The following TMEM116 variants were observed in gnomAD, a reference collection of about 807,000 sequenced individuals.
TMEM116 encodes the protein transmembrane protein 116.
Under a neutral mutation model 44.3 loss-of-function variants are expected in TMEM116, and 38 were observed. That is an observed-to-expected ratio of 0.86 (90% CI 0.66 to 1.12). TMEM116 has a LOEUF of 1.12. TMEM116 is among the 50% of genes most tolerant of loss of function. TMEM116 has a pLI of 0.00. For synonymous variants in TMEM116, 132 were observed against 144.8 expected, an observed-to-expected ratio of 0.91 and a Z score of 0.64; for missense variants, 354 against 401.7, an observed-to-expected ratio of 0.88 and a Z score of 1.01.
intron 1 of TMEM116, among the ~76,000 whole-genome samples, chr12:112,008,441 C>T (rs1369838207): frequency 6.6e-6 from 1 of 151,244 alleles, no homozygotes; most frequent in Admixed American, 6.6e-5. Flanking sequence ...GATCATGCCA[C>T]TGCACTCCAG....
intron 3 of TMEM116, among the ~76,000 whole-genome samples, chr12:112,003,380 A>G (rs1261749314): frequency 1.3e-5 from 2 of 152,186 alleles, no homozygotes; most frequent in Admixed American, 1.3e-4. Flanking sequence ...CATCCTGGCT[A>G]ACACGGTGAA....
chr12:111,992,453 T>A (rs1416978296), intron 3 of TMEM116, among the ~76,000 whole-genome samples: 2 of 152,060 alleles, frequency 1.3e-5, no homozygotes, highest in Admixed American at 6.6e-5. Context: ...GTATTTTTAG[T>A]AGAGATGGGG....
At chr12:111,933,489 CTTTT>C in intron 9 of TMEM116, among the ~76,000 whole-genome samples, 1 of 134,802 alleles carries the variant, frequency 7.4e-6, no homozygotes, top group Non-Finnish European at 1.6e-5. Flanking sequence ...AGCCATCCTT[CTTTT>C]TTTTTTTTTT....
chr12:111,950,141 C>CA (rs1354422784), intron 4 of TMEM116, among the ~76,000 whole-genome samples: 33 of 151,312 alleles, frequency 2.2e-4, no homozygotes, highest in Admixed American at 9.9e-4. Context: ...CAAAACAAAA[C>CA]AAAAAAAACA....
intron 3 of TMEM116, chr12:112,000,670 C>T: frequency 2.1e-6 from 1 of 482,442 alleles, no homozygotes; most frequent in Non-Finnish European, 4.2e-6. Context: ...AGCCTTTATT[C>T]CAATAATGAC....
At chr12:111,963,156 AAAC>A (rs561469575) in intron 4 of TMEM116, among the ~76,000 whole-genome samples, 1 of 152,220 alleles carries the variant, frequency 6.6e-6, no homozygotes, top group Non-Finnish European at 1.5e-5. Flanking sequence ...AAAAGTCAGG[AAAC>A]AACAGATACT....
intron 4 of TMEM116, among the ~76,000 whole-genome samples, chr12:111,957,138 G>T (rs2074175664): frequency 6.6e-6 from 1 of 151,186 alleles, no homozygotes; most frequent in African/African-American, 2.4e-5. Flanking sequence ...AGTCTGGGAA[G>T]TGAGGAGTGC....
chr12:111,936,624 C>T (rs2136233076), intron 8 of TMEM116, 68 bp downstream of exon 8: 1 of 1,555,030 alleles, frequency 6.4e-7, no homozygotes, highest in East Asian at 2.3e-5. Flanking sequence ...TTCCCAGGTC[C>T]TGGGAATACT....
intron 3 of TMEM116, among the ~76,000 whole-genome samples, chr12:111,997,325 G>A (rs904150273): frequency 2.1e-4 from 32 of 152,180 alleles, no homozygotes; most frequent in African/African-American, 6.5e-4. Context: ...AGGCTGAGGC[G>A]GGAAGACTGA....
chr12:111,951,218 G>A (rs1262807483), intron 4 of TMEM116, among the ~76,000 whole-genome samples: 1 of 152,250 alleles, frequency 6.6e-6, no homozygotes, highest in Non-Finnish European at 1.5e-5. Context: ...ACTGTTGGTA[G>A]GAGTGTAAAT....
intron 5 of TMEM116, 127 bp from the exon 6 acceptor site, chr12:111,938,337 C>G: frequency 1.7e-6 from 1 of 578,492 alleles, no homozygotes; most frequent in Non-Finnish European, 2.9e-6. Context: ...TTCTGTCAAG[C>G]AATATTTGCT....
intron 4 of TMEM116, among the ~76,000 whole-genome samples, chr12:111,986,132 G>C (rs927871710): frequency 6.6e-6 from 1 of 151,760 alleles, no homozygotes; most frequent in African/African-American, 2.4e-5. Flanking sequence ...GAGGTAGGAG[G>C]ATCACTTGAG....
intron 4 of TMEM116, among the ~76,000 whole-genome samples, chr12:111,951,405 T>G (rs546377635): frequency 6.6e-6 from 1 of 152,198 alleles, no homozygotes; most frequent in African/African-American, 2.4e-5. Flanking sequence ...AGCAAAGACA[T>G]AGAATCAACC....
At chr12:111,954,293 T>A (rs2073939528) in intron 4 of TMEM116, among the ~76,000 whole-genome samples, 1 of 152,302 alleles carries the variant, frequency 6.6e-6, no homozygotes, top group East Asian at 1.9e-4. Context: ...TATGGGAGAA[T>A]ATGTTTTCTA....
chr12:111,996,270 A>G (rs1046917474), intron 3 of TMEM116, among the ~76,000 whole-genome samples: 2 of 152,092 alleles, frequency 1.3e-5, no homozygotes, highest in East Asian at 3.9e-4. Context: ...AAGAAAGTAA[A>G]AAGACATACC....
chr12:111,957,877 G>T (rs993317465), intron 4 of TMEM116, among the ~76,000 whole-genome samples: 1 of 152,238 alleles, frequency 6.6e-6, no homozygotes, highest in African/African-American at 2.4e-5. Context: ...GATTGTTATT[G>T]TGTCTGTGTA....
chr12:111,983,490 G>A (rs1197537714), intron 4 of TMEM116, among the ~76,000 whole-genome samples: 2 of 151,802 alleles, frequency 1.3e-5, no homozygotes, highest in Non-Finnish European at 2.9e-5. Flanking sequence ...TGCACTACGC[G>A]GGGGTCTGAG....
At chr12:111,955,975 C>A (rs1812812538) in intron 4 of TMEM116, among the ~76,000 whole-genome samples, 3 of 152,286 alleles carry the variant, frequency 2.0e-5, no homozygotes, top group South Asian at 4.1e-4. Context: ...CCTAATGATG[C>A]ATTTTCAGAA....
intron 5 of TMEM116, among the ~76,000 whole-genome samples, chr12:111,939,168 T>C (rs2072443270): frequency 6.6e-6 from 1 of 152,080 alleles, no homozygotes; most frequent in Admixed American, 6.6e-5. Context: ...AAAAAGCTTA[T>C]TGCTGGCTGG....
Sources: allele counts gnomAD v4.1 joint callset (sites outside exome capture counted in the v4.1 genomes callset), GRCh38; gene constraint gnomAD v4.1.1; transcripts MANE v1.5; gene names NCBI Gene and HGNC (gene_info 2026-07-23, HGNC 2026-07-21).